Variants in CDC42BPA observed in about 807,000 individuals in gnomAD.
CDC42BPA encodes serine/threonine-protein kinase MRCK alpha.
In CDC42BPA, 80 loss-of-function variants were observed where a neutral mutation model predicts 223.5. The ratio of observed to expected loss-of-function variants is 0.36; its 90% CI spans 0.30 to 0.43. The LOEUF (loss-of-function observed/expected upper bound fraction) is 0.43, where lower values mean the gene tolerates loss of function less well. Ranked by LOEUF, CDC42BPA falls within the 20% of genes least tolerant of loss-of-function variation. The pLI, the probability that CDC42BPA is intolerant of heterozygous loss-of-function variation, is 1.00. For missense variants in CDC42BPA, 1,743 were observed against 2,099.9 expected (o/e 0.83, Z 3.32); for synonymous variants, 694 against 718.6 (o/e 0.97, Z 0.55).
intron 3 of CDC42BPA, among the ~76,000 whole-genome samples, chr1:227,205,847 G>T (rs571926240): frequency 6.6e-6 from 1 of 152,218 alleles, no homozygotes; most frequent in African/African-American, 2.4e-5. Context: ...CTAGGAGTTT[G>T]AGACTAGCCT....
intron 17 of CDC42BPA, among the ~76,000 whole-genome samples, chr1:227,074,646 A>G (rs1679087324): frequency 1.3e-5 from 2 of 152,172 alleles, no homozygotes; most frequent in African/African-American, 4.8e-5. Context: ...CACAGAATTA[A>G]CACTCTTTAA....
intron 23 of CDC42BPA, 33 bp downstream of exon 23, chr1:227,047,893 TG>T: frequency 7.8e-7 from 1 of 1,287,990 alleles, no homozygotes; most frequent in Non-Finnish European, 1.1e-6. Context: ...TCATTTTTTT[TG>T]GAACACACTA....
At chr1:227,156,120 GTT>G (rs56169233) in intron 6 of CDC42BPA, among the ~76,000 whole-genome samples, 5 of 145,432 alleles carry the variant, frequency 3.4e-5, no homozygotes, top group East Asian at 2.0e-4. Flanking sequence ...CTTCATTATA[GTT>G]TTTTTTTTGT....
In CDC42BPA at chr1:226,996,746, T is replaced by C. The variant is rs150157087; in HGVS notation, c.4976-1766A>G. ...TGGTTTTTGTCACTGGTTCTGTTTA[T>C]GTGATGGATTACGTTTATTGACTTG... is the stretch of plus-strand genomic sequence containing the variant. On this transcript the variant is annotated intron_variant, in intron 35 of 36. Coordinates refer to ENST00000366766, the MANE Select transcript of CDC42BPA (RefSeq NM_001394014.1). 6.0e-3 allele frequency among the ~76,000 whole-genome samples: 915 copies of C among 152,366 alleles called. 9 individuals are homozygous for C. Among genetic ancestry groups the C allele is most frequent in the African/African-American group, 0.021 (861 of 41,590 alleles).
At chr1:227,144,905 G>A (rs1462680274) in intron 8 of CDC42BPA, among the ~76,000 whole-genome samples, 1 of 152,086 alleles carries the variant, frequency 6.6e-6, no homozygotes, top group African/African-American at 2.4e-5. Context: ...ACTGGGCTTG[G>A]GTATTTAGTC....
At chr1:227,296,250 A>G (rs1459936497) in intron 1 of CDC42BPA, among the ~76,000 whole-genome samples, 1 of 152,222 alleles carries the variant, frequency 6.6e-6, no homozygotes, top group Non-Finnish European at 1.5e-5. Flanking sequence ...TGCTGAGTCC[A>G]TTCAATACAG....
At position 227,133,198 on chromosome 1, in the gene CDC42BPA, G is replaced by A. The variant is rs1276854215; in HGVS notation, c.1391-3967C>T. Reference sequence around the variant, plus strand: ...ACCCCTCTGCCTGGCCGGCTGCCCCGTCTGGGAGGGAGGTGGGGGGGTCAG... The same window carrying A: ...ACCCCTCTGCCTGGCCGGCTGCCCCATCTGGGAGGGAGGTGGGGGGGTCAG... On this transcript the variant is annotated intron_variant, in intron 10 of 36. Coordinates refer to ENST00000366766, the MANE Select transcript of CDC42BPA (RefSeq NM_001394014.1). 9.4e-5 allele frequency among the ~76,000 whole-genome samples: 14 copies of A among 148,340 alleles called. 1 individual carries two copies. The highest frequency in any genetic ancestry group is 4.2e-4 in the East Asian group (2 of 4,756).
chr1:227,306,509 T>C (rs984236518), intron 1 of CDC42BPA, among the ~76,000 whole-genome samples: 1 of 152,190 alleles, frequency 6.6e-6, no homozygotes, highest in Non-Finnish European at 1.5e-5. Context: ...ACTTAGCATG[T>C]ATTAGTCAGA....
intron 15 of CDC42BPA, among the ~76,000 whole-genome samples, chr1:227,097,193 A>G (rs563180235): frequency 6.6e-6 from 1 of 152,160 alleles, no homozygotes; most frequent in South Asian, 2.1e-4. Flanking sequence ...ACACACCCAC[A>G]CAACAAAGTA....
chr1:227,201,012 T>C (rs1671656568), intron 3 of CDC42BPA, among the ~76,000 whole-genome samples: 1 of 152,264 alleles, frequency 6.6e-6, no homozygotes, highest in Non-Finnish European at 1.5e-5. Context: ...ACTTCCCTTG[T>C]CCATTTTCTC....
chr1:227,023,444 C>T, intron 31 of CDC42BPA, 97 bp from the exon 32 acceptor site: 1 of 549,562 alleles, frequency 1.8e-6, no homozygotes, highest in East Asian at 3.2e-5. Flanking sequence ...ATTAAGACTT[C>T]TCATTTATCT....
chr1:227,109,988 G>A (rs1207633326), intron 14 of CDC42BPA, among the ~76,000 whole-genome samples: 2 of 152,086 alleles, frequency 1.3e-5, no homozygotes, highest in Non-Finnish European at 2.9e-5. Context: ...ATCTGTACAT[G>A]TTCGGTACAA....
At position 227,034,649 on chromosome 1, in the gene CDC42BPA, T is replaced by C; in HGVS notation, c.3476+6A>G. The C allele has an allele frequency of 6.2e-7, 1 of 1,600,226 alleles. No individual in the cohort carries two copies. Among genetic ancestry groups the C allele is most frequent in the Non-Finnish European group, 8.5e-7 (1 of 1,173,176 alleles). On this transcript the variant is annotated splice_donor_region_variant and intron_variant, in intron 26 of 36. Transcript: ENST00000366766. ...GATACAAATAATTTTACCTTCAAAC[T>C]CTTACCTCATGTCAATCACTTGACT...
intron 14 of CDC42BPA, among the ~76,000 whole-genome samples, chr1:227,103,097 C>T (rs1685323247): frequency 6.6e-6 from 1 of 152,000 alleles, no homozygotes; most frequent in Non-Finnish European, 1.5e-5. Context: ...CTTCCATTAC[C>T]ACTCTTATGC....
At position 227,193,890 on chromosome 1, in the gene CDC42BPA, T is replaced by C. The variant is rs779117595; in HGVS notation, c.495A>G (p.Leu165=). ...DYYVGGDLLT[L]LSKFEDRLPE... is the part of the protein sequence containing the mutation. ...GCAATCTATCTTCAAATTTGCTGAG[T>C]AGAGTAAGCAAATCCCCACCAACAT... Residue 165 remains leucine (L), a synonymous_variant, in exon 5 of 37, where the codon CTA becomes CTG. Transcript: ENST00000366766. 17 of 1,613,008 alleles carry C rather than the reference T, an allele frequency of 1.1e-5. No individual in the cohort carries two copies. The highest frequency in any genetic ancestry group is 2.7e-5 in the African/African-American group (2 of 74,980).
In CDC42BPA at chr1:227,016,118, G is replaced by A. The variant is rs772078661; in HGVS notation, c.4819C>T (p.Pro1607Ser). 5.6e-6 allele frequency: 9 copies of A among 1,602,214 alleles called. No homozygotes were observed. Among genetic ancestry groups the A allele is most frequent in the Non-Finnish European group, 7.7e-6 (9 of 1,169,856 alleles). The part of the protein sequence containing the change: ...TNFNHIAHMG[P>S]GDGIQILKDL... ...TTCAGGATCTGTATTCCATCTCCAG[G>A]ACCCATGTGTGCTATGTGATTAAAA... The change falls in exon 34 of 37, where the codon CCT becomes TCT. Residue 1607 changes from proline (P) to serine (S), a missense_variant. Pro to Ser is a moderately conservative substitution (Grantham distance 74). Around this residue, in one of 6 missense-constraint regions of CDC42BPA, gnomAD observed 44 missense variants for 81.0 expected, o/e 0.54. Coordinates refer to ENST00000366766, the MANE Select transcript of CDC42BPA (RefSeq NM_001394014.1).
At chr1:227,243,952 G>A (rs893413867) in intron 2 of CDC42BPA, among the ~76,000 whole-genome samples, 5 of 150,954 alleles carry the variant, frequency 3.3e-5, no homozygotes, top group African/African-American at 4.9e-5. Flanking sequence ...AAATGTAGGC[G>A]CTATCAAGAA....
chr1:227,306,948 T>C (rs1692664182), intron 1 of CDC42BPA, among the ~76,000 whole-genome samples: 1 of 152,216 alleles, frequency 6.6e-6, no homozygotes, highest in African/African-American at 2.4e-5. Context: ...AGGATGGGAT[T>C]CTTGCTGTAG....
At chr1:227,004,805 C>A in intron 35 of CDC42BPA, 189 bp downstream of exon 35, 1 of 712,552 alleles carries the variant, frequency 1.4e-6, no homozygotes. Flanking sequence ...TAGAAGGACT[C>A]TGGGACTATT....
Sources: allele counts gnomAD v4.1 joint callset (sites outside exome capture counted in the v4.1 genomes callset), GRCh38; gene constraint gnomAD v4.1.1; regional missense constraint gnomAD v4.1.1; transcripts MANE v1.5; gene names NCBI Gene and HGNC (gene_info 2026-07-23, HGNC 2026-07-21).